PAK3: variants seen among roughly 807,000 people sequenced by gnomAD.
PAK3 encodes serine/threonine-protein kinase PAK 3.
In PAK3, 4 loss-of-function variants were observed where a neutral mutation model predicts 41.0. That is an observed-to-expected ratio of 0.10 (90% CI 0.05 to 0.22). The LOEUF (loss-of-function observed/expected upper bound fraction) is 0.22. Among genes scored for constraint, PAK3 ranks in the 10% least tolerant of loss-of-function variants. The pLI is 1.00. For missense variants in PAK3, 205 were observed against 409.9 expected (o/e 0.50, Z 4.32); for synonymous variants, 146 against 139.6 (o/e 1.05, Z -0.32).
intron 9 of PAK3, 31 bp from the exon 10 acceptor site, chrX:111,163,531 T>C: frequency 8.8e-7 from 1 of 1,135,329 alleles, no homozygotes; most frequent in Admixed American, 2.2e-5. Flanking sequence ...TGGCCTGCTG[T>C]TTTAATTGCA....
chrX:111,021,823 G>A (rs1470790046), intron 1 of PAK3, among the ~76,000 whole-genome samples: 1 of 109,503 alleles, frequency 9.1e-6, no homozygotes, highest in Non-Finnish European at 1.9e-5. Context: ...TAGATAGCAT[G>A]AATAAAAAAA....
chrX:111,090,371 G>A (rs2092920711), intron 1 of PAK3, among the ~76,000 whole-genome samples: 1 of 111,700 alleles, frequency 9.0e-6, no homozygotes, highest in Non-Finnish European at 1.9e-5. Flanking sequence ...GATTATAGTG[G>A]ATACATGAGT....
intron 1 of PAK3, among the ~76,000 whole-genome samples, chrX:111,024,105 T>C (rs1273714200): frequency 8.9e-6 from 1 of 112,206 alleles, no homozygotes. Flanking sequence ...TTCAGCTTTC[T>C]GCATATGGCT....
chrX:110,975,691 G>A (rs944736233), intron 1 of PAK3, among the ~76,000 whole-genome samples: 3 of 111,646 alleles, frequency 2.7e-5, no homozygotes, highest in East Asian at 2.8e-4. Flanking sequence ...GAGGCATCAC[G>A]CTACCTGACT....
At chrX:110,947,380 T>C (rs2090639932) in intron 1 of PAK3, among the ~76,000 whole-genome samples, 2 of 111,788 alleles carry the variant, frequency 1.8e-5, no homozygotes, top group Admixed American at 1.9e-4. Flanking sequence ...ATCTCTAAGA[T>C]ACATTCTCCA....
At chrX:110,989,078 T>C (rs1043435758) in intron 1 of PAK3, among the ~76,000 whole-genome samples, 1 of 112,269 alleles carries the variant, frequency 8.9e-6, no homozygotes, top group Non-Finnish European at 1.9e-5. Flanking sequence ...CCTGACTTGA[T>C]ATGTTGAAGA....
intron 6 of PAK3, among the ~76,000 whole-genome samples, chrX:111,147,509 C>G (rs2093963569): frequency 9.1e-6 from 1 of 110,402 alleles, no homozygotes; most frequent in Non-Finnish European, 1.9e-5. Flanking sequence ...CAGTCATACT[C>G]CCACCCACCC....
intron 5 of PAK3, among the ~76,000 whole-genome samples, chrX:111,135,591 G>A (rs1294456128): frequency 9.0e-6 from 1 of 111,305 alleles, no homozygotes; most frequent in African/African-American, 3.3e-5. Context: ...ACTGAGAAAT[G>A]CAGAAATAGA....
At chrX:111,166,679 A>G (rs183236816) in intron 10 of PAK3, among the ~76,000 whole-genome samples, 2 of 111,668 alleles carry the variant, frequency 1.8e-5, no homozygotes, top group Admixed American at 1.9e-4. Context: ...AGAAGGATCT[A>G]CATTTAAATC....
At chrX:110,984,406 G>A (rs2148659758) in intron 1 of PAK3, among the ~76,000 whole-genome samples, 1 of 111,724 alleles carries the variant, frequency 9.0e-6, no homozygotes, top group East Asian at 2.8e-4. Flanking sequence ...TCCTACCCAA[G>A]CCCTGGGTGT....
At chrX:111,128,197 G>A (rs1444439191) in intron 5 of PAK3, among the ~76,000 whole-genome samples, 1 of 112,023 alleles carries the variant, frequency 8.9e-6, no homozygotes, top group Non-Finnish European at 1.9e-5. Flanking sequence ...TGAGCATTAG[G>A]TGTGTTTCAG....
rs1465822888 is a variant in PAK3, at chrX:111,221,583, A to C, written c.*1136A>C. 8.9e-6 allele frequency: 1 copy of C among 112,358 alleles called. No individual in the cohort carries two copies. The highest frequency in any genetic ancestry group is 2.8e-4 in the East Asian group (1 of 3,608). 9.3% of individuals were successfully genotyped at this position (112,358 alleles called of 1,213,427 possible). A position where few individuals can be genotyped will look rare whatever the true frequency, so the allele number is the denominator to read the frequency against. ...TTAATCATCATTTACTTATGATACA[A>C]ATTATTTATTTTGACAATTTATAAC... On this transcript the variant is annotated 3_prime_UTR_variant, in exon 18 of 18. Transcript: ENST00000372007.
At chrX:111,178,859 A>G (rs975778699) in intron 11 of PAK3, among the ~76,000 whole-genome samples, 1 of 109,256 alleles carries the variant, frequency 9.2e-6, no homozygotes, top group Non-Finnish European at 1.9e-5. Context: ...TGGTATCCCT[A>G]AGGTCTGCAA....
chrX:111,058,074 G>A (rs1434142753), intron 1 of PAK3, among the ~76,000 whole-genome samples: 1 of 112,104 alleles, frequency 8.9e-6, no homozygotes, highest in Non-Finnish European at 1.9e-5. Flanking sequence ...GGTGATTCAT[G>A]CAACATTTGA....
At chrX:110,963,341 T>C (rs898419958) in intron 1 of PAK3, among the ~76,000 whole-genome samples, 1 of 112,180 alleles carries the variant, frequency 8.9e-6, no homozygotes, top group African/African-American at 3.2e-5. Flanking sequence ...GTGAGCTCTT[T>C]GTTCTCAGGG....
intron 5 of PAK3, among the ~76,000 whole-genome samples, chrX:111,134,313 T>C (rs1340254558): frequency 8.9e-6 from 1 of 111,847 alleles, no homozygotes; most frequent in East Asian, 2.8e-4. Flanking sequence ...CAAAAACAAC[T>C]TCAACTACAA....
intron 11 of PAK3, among the ~76,000 whole-genome samples, chrX:111,188,087 T>C (rs1197809452): frequency 1.8e-5 from 2 of 109,009 alleles, no homozygotes; most frequent in Non-Finnish European, 1.9e-5. Flanking sequence ...CCTCTGTGGA[T>C]TAGTAATTTG....
chrX:111,092,709 GC>G (rs1219232041), upstream of PAK3, among the ~76,000 whole-genome samples: 2 of 111,727 alleles, frequency 1.8e-5, no homozygotes. Flanking sequence ...TTTTTACATG[GC>G]AATCATATTT....
chrX:111,156,163 T>A (rs1443063682), intron 8 of PAK3, among the ~76,000 whole-genome samples: 1 of 111,705 alleles, frequency 9.0e-6, no homozygotes, highest in Non-Finnish European at 1.9e-5. Flanking sequence ...ACAGTAGGAA[T>A]GGGGAGATTA....
Sources: allele counts gnomAD v4.1 joint callset (sites outside exome capture counted in the v4.1 genomes callset), GRCh38; gene constraint gnomAD v4.1.1; transcripts MANE v1.5; gene names NCBI Gene and HGNC (gene_info 2026-07-23, HGNC 2026-07-21).